The following ODF2L variants were observed in gnomAD, a reference collection of about 807,000 sequenced individuals.
The protein encoded by ODF2L is outer dense fiber of sperm tails 2 like.
In ODF2L, 76 loss-of-function variants were observed where a neutral mutation model predicts 86.3. The ratio of observed to expected loss-of-function variants is 0.88; its 90% CI spans 0.73 to 1.07. The LOEUF is 1.07. Ranked by LOEUF, ODF2L falls within the 50% of genes least tolerant of loss-of-function variation. The pLI, the probability that ODF2L is intolerant of heterozygous loss-of-function variation, is 0.00. For missense variants in ODF2L, 748 were observed against 717.4 expected (o/e 1.04, Z -0.49); for synonymous variants, 241 against 231.3 (o/e 1.04, Z -0.38).
chr1:86,366,932 T>C (rs1161745662), intron 11 of ODF2L, among the ~76,000 whole-genome samples: 4 of 151,834 alleles, frequency 2.6e-5, no homozygotes, highest in African/African-American at 9.7e-5. Flanking sequence ...AAAGAAATAA[T>C]ATAACAGAAT....
At position 86,359,518 on chromosome 1, in the gene ODF2L, TC is replaced by T. The variant is rs375811854; in HGVS notation, c.1255-628del. Among the ~76,000 whole-genome samples the T allele has an allele frequency of 9.0e-5, 12 of 133,656 alleles. No homozygotes were observed. In the East Asian group the frequency reaches 2.5e-3, roughly 28 times the overall value. The allele number at this position is 133,656 out of a possible 152,430, so 87.7% of individuals were successfully genotyped here. A position where few individuals can be genotyped will look rare whatever the true frequency, so the allele number is the denominator to read the frequency against. On this transcript the variant is annotated intron_variant, in intron 12 of 17. Coordinates refer to ENST00000317336, the Ensembl canonical transcript of ODF2L. The stretch of plus-strand genomic sequence containing the variant: ...CCTTAAGCTTTCATCCTTAGTTCAT[TC>T]TTTTTTTTTTTTTTTTTTTTTGAGA...
At chr1:86,370,975 T>C in intron 10 of ODF2L, 43 bp downstream of exon 10, 1 of 1,327,038 alleles carries the variant, frequency 7.5e-7, no homozygotes, top group Non-Finnish European at 1.0e-6. Context: ...TAGACTATGG[T>C]CATTACACAA....
At chr1:86,388,652 GT>G (rs1456063659) in intron 1 of ODF2L, among the ~76,000 whole-genome samples, 2 of 151,624 alleles carry the variant, frequency 1.3e-5, no homozygotes, top group Admixed American at 1.3e-4. Context: ...TGGAATAAAG[GT>G]TTAAAAAACA....
intron 3 of ODF2L, 74 bp downstream of exon 3, chr1:86,385,384 T>C (rs1031535378): frequency 4.6e-6 from 4 of 878,308 alleles, no homozygotes; most frequent in East Asian, 2.6e-5. Context: ...CTATATAAGA[T>C]ATGAGACCTC....
intron 10 of ODF2L, chr1:86,368,869 T>A: frequency 1.6e-6 from 1 of 629,428 alleles, no homozygotes; most frequent in Non-Finnish European, 2.3e-6. Context: ...TATTACAAAG[T>A]AATTTAAAAG....
chr1:86,352,257 A>G, intron 17 of ODF2L: 1 of 1,433,542 alleles, frequency 7.0e-7, no homozygotes, highest in Non-Finnish European at 9.2e-7. Context: ...TCTAGTAGAC[A>G]GTTATTACGT....
downstream of ODF2L, chr1:86,348,538 T>G (rs1490074438): frequency 3.4e-6 from 1 of 297,714 alleles, no homozygotes; most frequent in Non-Finnish European, 5.6e-6. Context: ...CAAAGATAAA[T>G]AAGAATTATC....
chr1:86,389,379 A>T (rs1661157933), intron 1 of ODF2L, among the ~76,000 whole-genome samples: 1 of 152,166 alleles, frequency 6.6e-6, no homozygotes, highest in Admixed American at 6.5e-5. Flanking sequence ...AACCTCTGGG[A>T]TACAGCAAAG....
At chr1:86,356,455 G>C (rs749732555) in exon 14 of ODF2L, 1 of 1,597,678 alleles carries the variant, frequency 6.3e-7, no homozygotes, top group Non-Finnish European at 8.5e-7. Context: ...TGGCCCTGAA[G>C]CTCCCTAATG....
At chr1:86,394,053 G>A (rs968579300) in intron 1 of ODF2L, among the ~76,000 whole-genome samples, 7 of 152,178 alleles carry the variant, frequency 4.6e-5, no homozygotes, top group African/African-American at 1.7e-4. Context: ...CACGACAGCT[G>A]TTGCCATTTA....
chr1:86,368,155 A>C (rs1659569403), intron 11 of ODF2L, among the ~76,000 whole-genome samples: 1 of 152,160 alleles, frequency 6.6e-6, no homozygotes, highest in Non-Finnish European at 1.5e-5. Context: ...CTTCTCTTTG[A>C]TCATGAGCCC....
At chr1:86,387,524 T>C (rs1244545231) in intron 1 of ODF2L, among the ~76,000 whole-genome samples, 2 of 152,218 alleles carry the variant, frequency 1.3e-5, no homozygotes, top group African/African-American at 4.8e-5. Flanking sequence ...CAACAATAGC[T>C]ACAAAGGATA....
intron 6 of ODF2L, 24 bp from the exon 7 acceptor site, chr1:86,382,382 C>A (rs2101289899): frequency 1.9e-6 from 3 of 1,603,228 alleles, no homozygotes; most frequent in Admixed American, 3.5e-5. Flanking sequence ...AAAGAGAAAA[C>A]CAAAAAAATC....
At chr1:86,356,668 T>G (rs767116259) in intron 13 of ODF2L, 66 bp from the exon 13 acceptor site, 1 of 1,357,896 alleles carries the variant, frequency 7.4e-7, no homozygotes, top group Non-Finnish European at 1.0e-6. Flanking sequence ...TTTATTATCT[T>G]AAATACTAGA....
At chr1:86,381,364 T>C (rs1660573995) in intron 7 of ODF2L, among the ~76,000 whole-genome samples, 1 of 152,052 alleles carries the variant, frequency 6.6e-6, no homozygotes, top group South Asian at 2.1e-4. Context: ...CCAAGTCCAG[T>C]TCATCTGCAG....
At chr1:86,355,557 G>A (rs747214883) in intron 14 of ODF2L, among the ~76,000 whole-genome samples, 3 of 151,958 alleles carry the variant, frequency 2.0e-5, no homozygotes, top group Non-Finnish European at 1.5e-5. Flanking sequence ...AAGTTCAGGG[G>A]TACAAATGCA....
chr1:86,372,450 G>T, exon 9 of ODF2L: 1 of 1,451,634 alleles, frequency 6.9e-7, no homozygotes, highest in Non-Finnish European at 9.2e-7. Flanking sequence ...GTTTCAATCT[G>T]TACTTCCAAT....
exon 18 of ODF2L, chr1:86,352,027 G>A: frequency 1.3e-5 from 17 of 1,298,024 alleles, no homozygotes; most frequent in Non-Finnish European, 1.7e-5. Flanking sequence ...GAAATAAATG[G>A]AAGGCCTGTG....
At chr1:86,376,477 T>C (rs1013400344) in intron 7 of ODF2L, 59 bp from the exon 8 acceptor site, 6 of 1,092,724 alleles carry the variant, frequency 5.5e-6, no homozygotes, top group Non-Finnish European at 8.0e-6. Context: ...TATGTAAACA[T>C]TGTAAAAATA....
Sources: gnomAD v4.1 joint callset for allele counts (sites outside exome capture counted in the v4.1 genomes callset) on GRCh38, gnomAD v4.1.1 for gene constraint, MANE v1.5 for transcripts, NCBI Gene and HGNC (gene_info 2026-07-23, HGNC 2026-07-21) for gene names.